REEP1: variants seen among roughly 807,000 people sequenced by gnomAD.
REEP1 encodes the protein receptor accessory protein 1.
A neutral mutation model predicts 40.3 loss-of-function variants in REEP1; 22 were observed. That is an observed-to-expected ratio of 0.55 (90% CI 0.39 to 0.78). The LOEUF (loss-of-function observed/expected upper bound fraction) is 0.78. Among genes scored for constraint, REEP1 ranks in the 30% least tolerant of loss-of-function variants. REEP1 has a pLI of 0.00. For missense variants in REEP1, 280 were observed against 361.1 expected (o/e 0.78, Z 1.82); for synonymous variants, 116 against 139.2 (o/e 0.83, Z 1.17).
intron 5 of REEP1, among the ~76,000 whole-genome samples, chr2:86,244,825 C>T (rs1282434098): frequency 6.6e-6 from 1 of 152,180 alleles, no homozygotes; most frequent in Non-Finnish European, 1.5e-5. Context: ...GTGCTATCAG[C>T]CATACTGGCA....
At chr2:86,242,727 A>C (rs963659153) in intron 5 of REEP1, among the ~76,000 whole-genome samples, 2 of 152,204 alleles carry the variant, frequency 1.3e-5, no homozygotes, top group African/African-American at 4.8e-5. Flanking sequence ...CTGAAAGGCT[A>C]GGATCAGGGT....
At position 86,217,666 on chromosome 2, in the gene REEP1, A is replaced by ATTTTTTTTTTTT. The variant is rs10668934; in HGVS notation, c.784-568_784-557dup. Among the ~76,000 whole-genome samples the ATTTTTTTTTTTT allele has an allele frequency of 6.0e-3, 674 of 112,800 alleles. 17 individuals carry two copies. The highest frequency in any genetic ancestry group is 0.015 in the Middle Eastern group (3 of 200). The allele number at this position is 112,800 out of a possible 152,430, so 74.0% of individuals were successfully genotyped here. ...GAGTCAGAAGTGTTTGGGATTTCAG[A>ATTTTTTTTTTTT]TTTTTTTTTTTTTTTTTTCAGATTT... On this transcript the variant is annotated intron_variant, in intron 8 of 8. Transcript: ENST00000538924.
intron 5 of REEP1, among the ~76,000 whole-genome samples, chr2:86,245,285 C>G (rs114178471): frequency 0.059 from 9,057 of 152,272 alleles, 382 homozygotes; most frequent in Middle Eastern, 0.12. Context: ...CAAGAGGCCT[C>G]TAAGGAGGAA....
intron 3 of REEP1, among the ~76,000 whole-genome samples, chr2:86,261,342 T>C (rs1025886102): frequency 2.7e-4 from 41 of 152,192 alleles, no homozygotes; most frequent in African/African-American, 9.4e-4. Flanking sequence ...TGTGTCTGTG[T>C]AGAAAGAAGT....
intron 3 of REEP1, among the ~76,000 whole-genome samples, chr2:86,258,455 A>G (rs13015186): frequency 0.28 from 42,777 of 152,156 alleles, 7,689 homozygotes; most frequent in Non-Finnish European, 0.4. Context: ...AAAAAAAAGT[A>G]TGCTGACTCC....
intron 1 of REEP1, among the ~76,000 whole-genome samples, chr2:86,331,703 CAGG>C (rs1159132742): frequency 2.2e-4 from 34 of 152,060 alleles, no homozygotes; most frequent in Admixed American, 3.3e-4. Flanking sequence ...GATAGGATGT[CAGG>C]AGGAGATGTT....
chr2:86,223,543 G>A (rs1391663175), intron 7 of REEP1: 5 of 152,244 alleles, frequency 3.3e-5, no homozygotes, highest in African/African-American at 1.2e-4. Flanking sequence ...GTTAGAGAAG[G>A]GTCTTTGGCA....
intron 1 of REEP1, among the ~76,000 whole-genome samples, chr2:86,319,451 C>G (rs1558935137): frequency 3.9e-5 from 1 of 25,700 alleles, no homozygotes; most frequent in Non-Finnish European, 6.5e-5. Context: ...GGCAGAGTGG[C>G]TCACTCACGC....
intron 3 of REEP1, among the ~76,000 whole-genome samples, chr2:86,257,965 G>A (rs1487392789): frequency 2.0e-5 from 3 of 152,074 alleles, no homozygotes; most frequent in Non-Finnish European, 4.4e-5. Context: ...TATGAGCACC[G>A]GCTCAGGCCC....
chr2:86,281,636 A>C (rs1019141566), intron 2 of REEP1, among the ~76,000 whole-genome samples: 1 of 152,170 alleles, frequency 6.6e-6, no homozygotes, highest in Non-Finnish European at 1.5e-5. Context: ...TCAAAAAACA[A>C]AACTATGAAA....
Position 86,251,992 on chromosome 2 carries a change from C to T in REEP1, c.382G>A (p.Val128Met), listed in dbSNP as rs763762442. 4 of 1,613,962 alleles carry T rather than the reference C, an allele frequency of 2.5e-6. No individual in the cohort carries two copies. The highest frequency in any genetic ancestry group is 1.1e-5 in the South Asian group (1 of 91,072). The stretch of plus-strand genomic sequence containing the variant: ...GCCATCACAGCCGCTGTGGCGGCCA[C>T]GTTCAAGCCCCGCTTCCCGAAGTGC... The part of the protein sequence containing the change: ...LVHFGKRGLN[V>M]AATAAVMAAS... The change falls in exon 5 of 9, where the codon GTG becomes ATG. Residue 128 changes from valine (V) to methionine (M), a missense_variant. Around this residue, in one of 3 missense-constraint regions of REEP1, gnomAD observed 201 missense variants for 238.5 expected, o/e 0.84. Coordinates refer to ENST00000538924, the MANE Select transcript of REEP1 (RefSeq NM_001371279.1).
chr2:86,330,438 T>TGTGTGC (rs1558940892), intron 1 of REEP1, among the ~76,000 whole-genome samples: 2 of 150,698 alleles, frequency 1.3e-5, no homozygotes, highest in Non-Finnish European at 1.5e-5. Flanking sequence ...TGTGTGTGTG[T>TGTGTGC]GTGTGTGTGT....
intron 8 of REEP1, among the ~76,000 whole-genome samples, chr2:86,218,075 T>G (rs1674223299): frequency 6.6e-6 from 1 of 152,178 alleles, no homozygotes; most frequent in Non-Finnish European, 1.5e-5. Flanking sequence ...CCTCTATTCC[T>G]TCTGACTGGA....
At chr2:86,271,377 T>A (rs1239601472) in intron 2 of REEP1, among the ~76,000 whole-genome samples, 2 of 139,102 alleles carry the variant, frequency 1.4e-5, no homozygotes, top group East Asian at 2.1e-4. Flanking sequence ...ATACAGAAAA[T>A]CTTAAAAGCA....
At chr2:86,229,428 C>T (rs1297492877) in intron 6 of REEP1, among the ~76,000 whole-genome samples, 1 of 152,098 alleles carries the variant, frequency 6.6e-6, no homozygotes, top group African/African-American at 2.4e-5. Flanking sequence ...CTGAGGCCCA[C>T]ACTGGGGGCT....
rs752717997 is a variant in REEP1 at position 86,216,992 on chromosome 2, G to T, written c.*47C>A. ...TGTTATTAGTGAATAGCTCTTTAAG[G>T]CAGAGAAGAAACATTCTGTGGATCC... On this transcript the variant is annotated 3_prime_UTR_variant, in exon 9 of 9. Coordinates refer to ENST00000538924, the MANE Select transcript of REEP1 (RefSeq NM_001371279.1). 1.0e-5 allele frequency: 16 copies of T among 1,533,622 alleles called. No homozygotes were observed. Among genetic ancestry groups the T allele is most frequent in the Non-Finnish European group, 1.4e-5 (16 of 1,107,380 alleles).
At chr2:86,296,658 A>G (rs530601230) in intron 1 of REEP1, among the ~76,000 whole-genome samples, 1 of 152,252 alleles carries the variant, frequency 6.6e-6, no homozygotes, top group Admixed American at 6.5e-5. Context: ...GGAGTTTGAA[A>G]CCAGCCTGGC....
intron 1 of REEP1, among the ~76,000 whole-genome samples, chr2:86,316,661 C>T (rs1680027826): frequency 6.6e-6 from 1 of 151,808 alleles, no homozygotes; most frequent in South Asian, 2.1e-4. Context: ...GAGTTCGAGA[C>T]CAGCCTGGCC....
At chr2:86,266,350 T>C (rs1378142499) in intron 2 of REEP1, among the ~76,000 whole-genome samples, 2 of 152,260 alleles carry the variant, frequency 1.3e-5, no homozygotes, top group Admixed American at 1.3e-4. Flanking sequence ...CCGGGCGCGG[T>C]GGCTCACGCC....
Sources: gnomAD v4.1 joint callset for allele counts (sites outside exome capture counted in the v4.1 genomes callset) on GRCh38, gnomAD v4.1.1 for gene constraint, gnomAD v4.1.1 regional missense constraint, MANE v1.5 for transcripts, NCBI Gene and HGNC (gene_info 2026-07-23, HGNC 2026-07-21) for gene names.